TUBGCP3: variants seen among roughly 807,000 people sequenced by gnomAD.
The protein encoded by TUBGCP3 is tubulin gamma complex component 3.
TUBGCP3 carries 50 observed loss-of-function variants against 123.1 expected under a neutral mutation model. That is an observed-to-expected ratio of 0.41 (90% CI 0.32 to 0.51). The LOEUF (loss-of-function observed/expected upper bound fraction) is 0.51. Among genes scored for constraint, TUBGCP3 ranks in the 20% least tolerant of loss-of-function variants. The probability of loss-of-function intolerance (pLI) is 0.36; values close to 1 mark genes in which losing one functional copy is unlikely to be tolerated. For synonymous variants in TUBGCP3, 405 were observed against 413.9 expected, an observed-to-expected ratio of 0.98 and a Z score of 0.26; for missense variants, 882 against 1,127.0, an observed-to-expected ratio of 0.78 and a Z score of 3.11.
At chr13:112,509,870 C>CAAT (rs1881553339) in intron 17 of TUBGCP3, among the ~76,000 whole-genome samples, 1 of 152,328 alleles carries the variant, frequency 6.6e-6, no homozygotes, top group East Asian at 1.9e-4. Flanking sequence ...TCACAAGGCA[C>CAAT]AATTAGTCCT....
chr13:112,518,668 C>T (rs1008697919), intron 16 of TUBGCP3, among the ~76,000 whole-genome samples: 9 of 152,178 alleles, frequency 5.9e-5, no homozygotes, highest in African/African-American at 1.9e-4. Flanking sequence ...TTATCCTTAA[C>T]TAGTTGCCAC....
chr13:112,487,218 G>A (rs1879745015), intron 21 of TUBGCP3, among the ~76,000 whole-genome samples: 1 of 152,158 alleles, frequency 6.6e-6, no homozygotes. Flanking sequence ...ACAACGGTCT[G>A]TGGAACTACT....
chr13:112,589,707 C>T (rs895420606), upstream of TUBGCP3, among the ~76,000 whole-genome samples: 4 of 152,306 alleles, frequency 2.6e-5, no homozygotes, highest in South Asian at 8.3e-4. Flanking sequence ...AAATCATTAG[C>T]CATTATCAAG....
intron 13 of TUBGCP3, among the ~76,000 whole-genome samples, chr13:112,523,564 T>G (rs2139074712): frequency 6.6e-6 from 1 of 152,316 alleles, no homozygotes; most frequent in Non-Finnish European, 1.5e-5. Context: ...ACAGTCCTGT[T>G]TTAAGGGCAT....
chr13:112,577,044 AAAAACAAGAC>A (rs1460408788), intron 1 of TUBGCP3, among the ~76,000 whole-genome samples: 4 of 152,132 alleles, frequency 2.6e-5, no homozygotes, highest in Non-Finnish European at 5.9e-5. Flanking sequence ...ACTGACCAAG[AAAAACAAGAC>A]AAGACACAGA....
At position 112,524,245 on chromosome 13, in the gene TUBGCP3, G is replaced by A. The variant is rs1027742100; in HGVS notation, c.1556-1736C>T. Among the ~76,000 whole-genome samples, 9 of 152,198 alleles carry A rather than the reference G, an allele frequency of 5.9e-5. No individual in the cohort carries two copies. The highest frequency in any genetic ancestry group is 2.2e-4 in the African/African-American group (9 of 41,454). On this transcript the variant is annotated intron_variant, in intron 13 of 21. Transcript: ENST00000261965. The surrounding 1 kb of genome is among the most constrained non-coding windows in gnomAD (Gnocchi z 4.4). ...GCGCAATGTACATGCTATGCAAATA[G>A]CTGTTAAATTGTCTTGGTTTTTTGT...
rs542604537 is a variant in TUBGCP3 at position 112,503,503 on chromosome 13, G to A, written c.2307+529C>T. Among the ~76,000 whole-genome samples, 9 of 152,116 alleles carry A rather than the reference G, an allele frequency of 5.9e-5. No homozygotes were observed. In the South Asian group the frequency reaches 1.7e-3, roughly 28 times the overall value. On this transcript the variant is annotated intron_variant, in intron 19 of 21. Transcript: ENST00000261965. The stretch of plus-strand genomic sequence containing the variant: ...TCCTGTCTCTGCCTCCCAAGTAGCT[G>A]GGATTACAGGCACACACCACCACGA...
intron 1 of TUBGCP3, among the ~76,000 whole-genome samples, chr13:112,572,905 A>G (rs187677529): frequency 2.6e-5 from 4 of 152,248 alleles, no homozygotes; most frequent in Admixed American, 6.5e-5. Flanking sequence ...AAAAACTTCC[A>G]ATTGTCAAAT....
intron 8 of TUBGCP3, among the ~76,000 whole-genome samples, chr13:112,549,208 C>T (rs946785359): frequency 6.6e-6 from 1 of 151,982 alleles, no homozygotes; most frequent in Non-Finnish European, 1.5e-5. Flanking sequence ...AGCTGGAAAC[C>T]ATCATTCTGA....
intron 14 of TUBGCP3, chr13:112,521,560 C>T: frequency 3.4e-6 from 2 of 582,726 alleles, no homozygotes; most frequent in Non-Finnish European, 4.3e-6. Context: ...CTGTGATACA[C>T]TGAAACTTGA....
Position 112,556,065 on chromosome 13 carries a change from T to G in TUBGCP3, c.708A>C (p.Glu236Asp). 1.2e-6 allele frequency: 2 copies of G among 1,613,490 alleles called. No homozygotes were observed. The highest frequency in any genetic ancestry group is 1.7e-6 in the Non-Finnish European group (2 of 1,179,496). Reference protein sequence around the residue: ...VSRNMTRSRREGDTGGTMEIT... With the variant: ...VSRNMTRSRRDGDTGGTMEIT... The stretch of plus-strand genomic sequence containing the variant: ...ATCCTTACTCACCACCCGTATCCCC[T>G]TCTCTCCTGGACCTTGTCATGTTGC... The change falls in exon 6 of 22, where the codon GAA becomes GAC. Residue 236 changes from glutamate to aspartate, a missense_variant. Physicochemically the swap from Glu to Asp is conservative, Grantham distance 45. Around this residue, in one of 3 missense-constraint regions of TUBGCP3, gnomAD observed 713 missense variants for 874.0 expected, o/e 0.82. Coordinates refer to ENST00000261965, the MANE Select transcript of TUBGCP3 (RefSeq NM_006322.6).
Position 112,550,914 on chromosome 13 carries a change from C to T in TUBGCP3, c.967-2738G>A, listed in dbSNP as rs573141686. Among the ~76,000 whole-genome samples the T allele has an allele frequency of 2.6e-5, 4 of 152,238 alleles. No individual in the cohort carries two copies. The East Asian group carries it at 5.8e-4, about 22-fold the overall frequency. On this transcript the variant is annotated intron_variant, in intron 8 of 21. Transcript: ENST00000261965. ...GAGATTAAGACCATCCTGGCTAACA[C>T]AGTGAAACCCCGTCTCTATTAAAAA...
At chr13:112,584,287 G>C (rs949171544) in intron 1 of TUBGCP3, 2 of 152,134 alleles carry the variant, frequency 1.3e-5, no homozygotes. Flanking sequence ...TCTATCCACA[G>C]TTACCATATT....
chr13:112,527,402 G>A lies in TUBGCP3; in HGVS notation c.1418C>T (p.Ser473Leu), dbSNP rs1339085041. Residue 473 changes from serine to leucine, a missense_variant, in exon 12 of 22, where the codon TCG (serine) becomes TTG (leucine). Ser to Leu is a moderately radical substitution (Grantham distance 145). This residue lies in a region of TUBGCP3 where 713 missense variants were observed against 874.0 expected (regional missense o/e 0.82). Transcript: ENST00000261965. ...KYTLRKSMIP[S>L]FMTMDQSRKV... ...CCTAGACTGATCCATCGTCATAAAC[G>A]AAGGAATCATCGATTTCCTCAAAGT... 1.5e-5 allele frequency: 24 copies of A among 1,592,546 alleles called. No individual in the cohort carries two copies. Among genetic ancestry groups the A allele is most frequent in the Non-Finnish European group, 1.9e-5 (22 of 1,172,752 alleles).
intron 17 of TUBGCP3, among the ~76,000 whole-genome samples, chr13:112,509,319 G>A (rs1881514060): frequency 6.6e-6 from 1 of 152,196 alleles, no homozygotes; most frequent in African/African-American, 2.4e-5. Context: ...CTTGGCCACA[G>A]GGAGCTGGTT....
At chr13:112,520,508 AGAC>A (rs1335247185) in intron 14 of TUBGCP3, among the ~76,000 whole-genome samples, 1 of 152,152 alleles carries the variant, frequency 6.6e-6, no homozygotes, top group Non-Finnish European at 1.5e-5. Flanking sequence ...CCTGGGTGAC[AGAC>A]AGAGCGAGAC....
At position 112,547,639 on chromosome 13, in the gene TUBGCP3, G is replaced by A. The variant is rs753713105; in HGVS notation, c.1149C>T (p.Ala383=). 9 of 1,557,920 alleles carry A rather than the reference G, an allele frequency of 5.8e-6. No homozygotes were observed. In the Admixed American group the frequency reaches 1.3e-4, roughly 23 times the overall value. ...TGGGACCTTGGCAGTGGTCCACTAGGGCCGCAAGGGTCTTCAGTCGTATTT... is the reference window on the plus strand; with the variant it reads ...TGGGACCTTGGCAGTGGTCCACTAGAGCCGCAAGGGTCTTCAGTCGTATTT... ...DPKIRLKTLA[A]LVDHCQGRKG... The change falls in exon 10 of 22, where the codon GCC becomes GCT. Residue 383 remains alanine (A), a synonymous_variant. Transcript: ENST00000261965.
intron 21 of TUBGCP3, 128 bp downstream of exon 21, chr13:112,489,453 A>T: frequency 1.4e-6 from 1 of 739,042 alleles, no homozygotes; most frequent in Non-Finnish European, 2.4e-6. Flanking sequence ...CATGGGTGCT[A>T]CTCACACCTA....
At chr13:112,600,297 T>C in the TUBGCP3 span, among the ~76,000 whole-genome samples, 15 of 152,242 alleles carry the variant, frequency 9.9e-5, no homozygotes. Context: ...CTGCCTAAAC[T>C]GGAAGCTGTA....
Sources: allele counts gnomAD v4.1 joint callset (sites outside exome capture counted in the v4.1 genomes callset), GRCh38; gene constraint gnomAD v4.1.1; regional missense constraint gnomAD v4.1.1; non-coding constraint Gnocchi (gnomAD v3.1); transcripts MANE v1.5; gene names NCBI Gene and HGNC (gene_info 2026-07-23, HGNC 2026-07-21).